The following PHKA2 variants were observed in gnomAD, a reference collection of about 807,000 sequenced individuals.
The protein encoded by PHKA2 is phosphorylase kinase regulatory subunit alpha 2.
PHKA2 carries 31 observed loss-of-function variants against 102.0 expected under a neutral mutation model. The ratio of observed to expected loss-of-function variants is 0.30; its 90% CI spans 0.23 to 0.41. The LOEUF (loss-of-function observed/expected upper bound fraction) is 0.41, where lower values mean the gene tolerates loss of function less well. PHKA2 is among the 10% of genes least tolerant of loss of function. The pLI, the probability that PHKA2 is intolerant of heterozygous loss-of-function variation, is 1.00. For missense variants in PHKA2, 858 were observed against 1,023.1 expected, an observed-to-expected ratio of 0.84 and a Z score of 2.20; for synonymous variants, 455 against 416.2, an observed-to-expected ratio of 1.09 and a Z score of -1.13.
chrX:18,975,457 T>C (rs1353619935), intron 1 of PHKA2, among the ~76,000 whole-genome samples: 1 of 111,635 alleles, frequency 9.0e-6, no homozygotes, highest in African/African-American at 3.3e-5. Context: ...CCTCTCTCTT[T>C]TGTAAACTGC....
intron 1 of PHKA2, among the ~76,000 whole-genome samples, chrX:18,982,582 C>G (rs1483600063): frequency 8.9e-6 from 1 of 112,142 alleles, no homozygotes; most frequent in Non-Finnish European, 1.9e-5. Context: ...CCTGTAATCC[C>G]AGCACTTTTG....
chrX:18,907,815 A>G, intron 22 of PHKA2, 85 bp downstream of exon 22: 1 of 1,003,552 alleles, frequency 1.0e-6, no homozygotes. Flanking sequence ...CACAAGTAAG[A>G]GGTATAACTG....
Position 18,893,302 on chromosome X carries a change from C to T in PHKA2, c.*183G>A, listed in dbSNP as rs2047460385. The T allele has an allele frequency of 2.0e-6, 1 of 503,404 alleles. No individual in the cohort carries two copies. Among genetic ancestry groups the T allele is most frequent in the Non-Finnish European group, 3.5e-6 (1 of 284,458 alleles). 41.5% of individuals were successfully genotyped at this position (503,404 alleles called of 1,213,427 possible). A position where few individuals can be genotyped will look rare whatever the true frequency, so the allele number is the denominator to read the frequency against. The stretch of plus-strand genomic sequence containing the variant: ...TGCGGGGGAACACAGGACTCCTCAG[C>T]TCTATCTCTGTGGCTTTAACATACA... On this transcript the variant is annotated 3_prime_UTR_variant, in exon 33 of 33. Coordinates refer to ENST00000379942, the MANE Select transcript of PHKA2 (RefSeq NM_000292.3).
At chrX:18,916,327 A>ATCGCTTGAACCCAGGAGGC (rs1184124942) in intron 19 of PHKA2, among the ~76,000 whole-genome samples, 5 of 111,731 alleles carry the variant, frequency 4.5e-5, no homozygotes, top group Admixed American at 9.5e-5. Context: ...AGGCAGGAGA[A>ATCGCTTGAACCCAGGAGGC]TCGCTTGAAC....
At chrX:18,974,864 C>A (rs958296371) in intron 1 of PHKA2, among the ~76,000 whole-genome samples, 5 of 111,665 alleles carry the variant, frequency 4.5e-5, no homozygotes, top group Non-Finnish European at 7.5e-5. Flanking sequence ...TGACCCTTGG[C>A]TGCTTTTCCT....
At chrX:18,936,583 G>C (rs965631199) in intron 10 of PHKA2, among the ~76,000 whole-genome samples, 1 of 112,227 alleles carries the variant, frequency 8.9e-6, no homozygotes, top group African/African-American at 3.2e-5. Context: ...AACTTCTTGT[G>C]GGGGAAGCTA....
intron 10 of PHKA2, 104 bp downstream of exon 10, chrX:18,938,523 C>T (rs189113681): frequency 3.4e-5 from 29 of 855,837 alleles, no homozygotes; most frequent in Middle Eastern, 5.6e-4. Context: ...GAACAGATAA[C>T]CGAAACAGTG....
intron 4 of PHKA2, 86 bp from the exon 5 acceptor site, chrX:18,948,912 C>A (rs2048630877): frequency 3.2e-6 from 2 of 625,291 alleles, no homozygotes; most frequent in Admixed American, 4.6e-5. Flanking sequence ...AGGAAATAAA[C>A]CCTTTTACCC....
In PHKA2 at chrX:18,895,341, G is replaced by GA. The variant is rs1387270886; in HGVS notation, c.3283-151dup. 1.1e-5 allele frequency: 6 copies of GA among 541,971 alleles called. No homozygotes were observed. In the African/African-American group the frequency reaches 1.4e-4, roughly 12 times the overall value. 44.7% of individuals were successfully genotyped at this position (541,971 alleles called of 1,213,427 possible). On this transcript the variant is annotated intron_variant, in intron 30 of 32. Transcript: ENST00000379942. ...CGCCAGACTGTCAGAGTTATTTTTA[G>GA]AGAGCTTGTTCTCACTGCCCACAGG...
At position 18,911,516 on chromosome X, in the gene PHKA2, T is replaced by C. The variant is rs1279812570; in HGVS notation, c.2138-556A>G. On this transcript the variant is annotated intron_variant, in intron 19 of 32. Transcript: ENST00000379942. ...TAGAGACAGGGTTTTGCCATGTTGGTCAGGCTGGTCTTGAACTCCTGACCT... is the reference window on the plus strand; with the variant it reads ...TAGAGACAGGGTTTTGCCATGTTGGCCAGGCTGGTCTTGAACTCCTGACCT... Among the ~76,000 whole-genome samples the C allele has an allele frequency of 4.5e-5, 5 of 110,580 alleles. No individual in the cohort carries two copies. In the Admixed American group the frequency reaches 4.8e-4, roughly 11 times the overall value.
chrX:18,893,939 G>A (rs1025342159), intron 32 of PHKA2: 16 of 456,063 alleles, frequency 3.5e-5, no homozygotes, highest in Non-Finnish European at 6.1e-5. Flanking sequence ...TTGTGTACAG[G>A]GTAAGGGGTT....
chrX:18,934,399 C>A (rs2048361201), intron 11 of PHKA2, among the ~76,000 whole-genome samples: 1 of 111,669 alleles, frequency 9.0e-6, no homozygotes. Flanking sequence ...GCTGTCGGTT[C>A]ATGTTGGGAT....
In PHKA2 at chrX:18,908,123, CTG is replaced by C. The variant is rs2047856068; in HGVS notation, c.2361-69_2361-68del. 3.7e-6 allele frequency: 4 copies of C among 1,078,795 alleles called. No homozygotes were observed. In the East Asian group the frequency reaches 1.2e-4, roughly 32 times the overall value. The allele number at this position is 1,078,795 out of a possible 1,213,427, so 88.9% of individuals were successfully genotyped here. A position where few individuals can be genotyped will look rare whatever the true frequency, so the allele number is the denominator to read the frequency against. On this transcript the variant is annotated intron_variant, in intron 21 of 32. Transcript: ENST00000379942. The stretch of plus-strand genomic sequence containing the variant: ...TTTAGACTGGGAGAGGAATGGATCA[CTG>C]TGCATTTTGCACAGCACTTGGGCTC...
At chrX:18,931,990 A>T (rs778194368) in intron 11 of PHKA2, among the ~76,000 whole-genome samples, 1 of 112,382 alleles carries the variant, frequency 8.9e-6, no homozygotes, top group African/African-American at 3.2e-5. Flanking sequence ...GGCACACGCA[A>T]GGCCACGAGC....
In PHKA2 at chrX:18,910,910, G is replaced by T; in HGVS notation, c.2188C>A (p.Leu730Met). The change falls in exon 20 of 33, where the codon CTG becomes ATG. Residue 730 changes from leucine to methionine, a missense_variant. Physicochemically the swap from Leu to Met is conservative, Grantham distance 15. Transcript: ENST00000379942. ...GGCTGAGGAGAATCAACAAGATTCA[G>T]TGATTTACGGTGGGCACTTAGAACT... ...TKVLSAHRKS[L>M]NLVDSPQPLL... 1 of 1,193,427 alleles carries T rather than the reference G, an allele frequency of 8.4e-7. No homozygotes were observed. The highest frequency in any genetic ancestry group is 1.1e-6 in the Non-Finnish European group (1 of 881,190).
At chrX:18,933,031 G>A (rs887328676) in intron 11 of PHKA2, among the ~76,000 whole-genome samples, 4 of 110,010 alleles carry the variant, frequency 3.6e-5, no homozygotes, top group African/African-American at 1.0e-4. Flanking sequence ...GGAGAATCAC[G>A]TGAACCTGAG....
At chrX:18,948,712 C>T (rs1569324518) in intron 5 of PHKA2, 32 bp downstream of exon 5, 6 of 942,044 alleles carry the variant, frequency 6.4e-6, no homozygotes, top group Non-Finnish European at 9.2e-6. Flanking sequence ...TTGACTGGAA[C>T]ATCTGAAAAG....
At chrX:18,906,979 TC>T in intron 23 of PHKA2, 38 bp downstream of exon 23, 1 of 1,118,823 alleles carries the variant, frequency 8.9e-7, no homozygotes, top group Non-Finnish European at 1.2e-6. Context: ...TCCCCATGGC[TC>T]CCCCGCAAAC....
rs201870008 is a variant in PHKA2 at position 18,907,102 on chromosome X, G to A, written c.2518-5C>T. On this transcript the variant is annotated splice_region_variant and splice_polypyrimidine_tract_variant and intron_variant, in intron 22 of 32. Coordinates refer to ENST00000379942, the MANE Select transcript of PHKA2 (RefSeq NM_000292.3). ...CGAAAGCAGGTCTGTGCAGGCCTGC[G>A]CAGTTAAGGGGAAGGGTGAGAGGCA... is the stretch of plus-strand genomic sequence containing the variant. The A allele has an allele frequency of 1.1e-4, 126 of 1,164,880 alleles. No homozygotes were observed. In the East Asian group the frequency reaches 3.7e-3, roughly 34 times the overall value.
Sources: allele counts gnomAD v4.1 joint callset (sites outside exome capture counted in the v4.1 genomes callset), GRCh38; gene constraint gnomAD v4.1.1; transcripts MANE v1.5; gene names NCBI Gene and HGNC (gene_info 2026-07-23, HGNC 2026-07-21).